PITPNM2: variants seen among roughly 807,000 people sequenced by gnomAD.
PITPNM2 encodes phosphatidylinositol transfer protein membrane associated 2.
In PITPNM2, 35 loss-of-function variants were observed where a neutral mutation model predicts 132.2. The ratio of observed to expected loss-of-function variants is 0.26; its 90% confidence interval spans 0.20 to 0.35. PITPNM2 has a LOEUF of 0.35. PITPNM2 is among the 10% of genes least tolerant of loss of function. The pLI is 1.00. For missense variants in PITPNM2, 1,332 were observed against 1,912.0 expected (o/e 0.70, Z 5.66); for synonymous variants, 738 against 799.2 (o/e 0.92, Z 1.29).
chr12:123,127,130 G>A (rs1251666574), intron 1 of PITPNM2, among the ~76,000 whole-genome samples: 1 of 152,160 alleles, frequency 6.6e-6, no homozygotes, highest in African/African-American at 2.4e-5. Flanking sequence ...TTGAAATAAT[G>A]GACTTCCAGG....
chr12:123,075,475 T>C (rs967128030), intron 2 of PITPNM2: 13 of 152,236 alleles, frequency 8.5e-5, no homozygotes, highest in African/African-American at 3.1e-4. Context: ...TCCTGGGAGC[T>C]TCACTGGCTT....
chr12:123,124,781 G>C (rs1047411273), intron 1 of PITPNM2, among the ~76,000 whole-genome samples: 11 of 151,952 alleles, frequency 7.2e-5, no homozygotes, highest in South Asian at 2.1e-4. Context: ...TCGGTACCAA[G>C]TATAATGCAT....
At chr12:123,090,907 A>G (rs2042243381) in intron 2 of PITPNM2, 1 of 152,208 alleles carries the variant, frequency 6.6e-6, no homozygotes, top group South Asian at 2.1e-4. Context: ...AGGCATTTTC[A>G]TTTTACAGAC....
At chr12:123,068,194 A>ACGGCCAGGCG (rs141138502) in intron 2 of PITPNM2, among the ~76,000 whole-genome samples, 8 of 151,630 alleles carry the variant, frequency 5.3e-5, no homozygotes, top group Non-Finnish European at 7.4e-5. Flanking sequence ...ACGGCCGGGC[A>ACGGCCAGGCG]CGGTGGCTCA....
In PITPNM2 at chr12:123,014,159, G is replaced by C. The variant is rs542372347; in HGVS notation, c.79-117C>G. 8 of 1,077,326 alleles carry C rather than the reference G, an allele frequency of 7.4e-6. No individual in the cohort carries two copies. The African/African-American group carries it at 1.2e-4, about 17-fold the overall frequency. 66.7% of individuals were successfully genotyped at this position (1,077,326 alleles called of 1,614,324 possible). A position where few individuals can be genotyped will look rare whatever the true frequency, so the allele number is the denominator to read the frequency against. On this transcript the variant is annotated intron_variant, in intron 3 of 25. Transcript: ENST00000320201. ...AGGGAGGAGGGGCTTTGGTCAACGA[G>C]GCTGGCTCCTCCTGTGTCACTTCCA...
intron 2 of PITPNM2, among the ~76,000 whole-genome samples, chr12:123,038,491 G>A (rs1219092779): frequency 2.6e-5 from 4 of 152,202 alleles, no homozygotes. Context: ...GACTTCTGGA[G>A]TTACCATGAG....
At chr12:123,052,784 G>GT (rs34269675) in intron 2 of PITPNM2, among the ~76,000 whole-genome samples, 89,707 of 140,886 alleles carry the variant, frequency 0.64, 28,769 homozygotes, top group Non-Finnish European at 0.71. Context: ...TTTTATTTAA[G>GT]TTTTTTTTTT....
intron 2 of PITPNM2, chr12:123,092,867 TGGGA>T: frequency 6.6e-6 from 1 of 152,420 alleles, no homozygotes; most frequent in East Asian, 1.9e-4. Context: ...GGAGCCCCTC[TGGGA>T]AGCTACAGTT....
In PITPNM2 at chr12:122,992,617, C is replaced by G. The variant is rs1470153232; in HGVS notation, c.2286G>C (p.Ala762=). The G allele has an allele frequency of 1.2e-6, 2 of 1,607,022 alleles. No homozygotes were observed. The highest frequency in any genetic ancestry group is 1.7e-5 in the Admixed American group (1 of 59,266). Residue 762 remains alanine, a synonymous_variant, in exon 16 of 26, where the codon GCG becomes GCC. Coordinates refer to ENST00000320201, the MANE Select transcript of PITPNM2 (RefSeq NM_020845.3). This position sits in a 1 kb window ranked among gnomAD's most constrained non-coding sequence, Gnocchi z 6.5. ...GCTCCAGGCGTGAAGCTGACGGGTCCGCGGGGTGGAAGAGGTTGTAGACTT... is the reference window on the plus strand; with the variant it reads ...GCTCCAGGCGTGAAGCTGACGGGTCGGCGGGGTGGAAGAGGTTGTAGACTT... ...CQQVYNLFHP[A]DPSASRLEPL... is the part of the protein sequence containing the mutation.
At chr12:123,053,354 G>A (rs922108288) in intron 2 of PITPNM2, among the ~76,000 whole-genome samples, 27 of 152,054 alleles carry the variant, frequency 1.8e-4, no homozygotes, top group Non-Finnish European at 2.1e-4. Flanking sequence ...TCTTACTGCC[G>A]TTTAGTTCAA....
chr12:123,056,668 C>A (rs2136709099), intron 2 of PITPNM2, among the ~76,000 whole-genome samples: 1 of 152,318 alleles, frequency 6.6e-6, no homozygotes, highest in African/African-American at 2.4e-5. Flanking sequence ...GAAAGTCTCT[C>A]CCTGCACTGG....
In PITPNM2 at chr12:123,034,615, A is replaced by G; in HGVS notation, c.-25T>C. 1 of 1,607,674 alleles carries G rather than the reference A, an allele frequency of 6.2e-7. No individual in the cohort carries two copies. Among genetic ancestry groups the G allele is most frequent in the Non-Finnish European group, 8.5e-7 (1 of 1,174,104 alleles). ...TCTTGGAGTCCAAGCCTTCCCGTCG[A>G]TGGGGAACTGCAAGTTGGGACTTCT... On this transcript the variant is annotated 5_prime_UTR_variant, in exon 3 of 26. Transcript: ENST00000320201.
Position 123,103,449 on chromosome 12 carries a change from G to A in PITPNM2, c.-96+6936C>T, listed in dbSNP as rs547326697. Among the ~76,000 whole-genome samples the A allele has an allele frequency of 6.7e-4, 102 of 152,338 alleles. 1 individual carries two copies. Among genetic ancestry groups the A allele is most frequent in the Admixed American group, 2.2e-3 (34 of 15,296 alleles). Reference sequence around the variant, plus strand: ...TCGTCAAGACTGCAGCCCAGCTAAGGTGAAAATGCTGGTCCAGAGAGAGCT... The same window carrying A: ...TCGTCAAGACTGCAGCCCAGCTAAGATGAAAATGCTGGTCCAGAGAGAGCT... On this transcript the variant is annotated intron_variant, in intron 2 of 25. Coordinates refer to ENST00000320201, the MANE Select transcript of PITPNM2 (RefSeq NM_020845.3).
At chr12:123,042,052 C>G (rs2040499808) in intron 2 of PITPNM2, among the ~76,000 whole-genome samples, 1 of 152,028 alleles carries the variant, frequency 6.6e-6, no homozygotes, top group South Asian at 2.1e-4. Flanking sequence ...GGGCAAGGCG[C>G]GAGGTGCAGG....
At position 123,004,987 on chromosome 12, in the gene PITPNM2, C is replaced by G. The variant is rs554816353; in HGVS notation, c.952+253G>C. Among the ~76,000 whole-genome samples, 23 of 152,290 alleles carry G rather than the reference C, an allele frequency of 1.5e-4. 1 individual carries two copies. The South Asian group carries it at 3.9e-3, about 26-fold the overall frequency. Reference sequence around the variant, plus strand: ...GCCCCTCCACCGCGCTGCAGGAGCCCAGCCACCTCCACTGCTCCTATGGGT... The same window carrying G: ...GCCCCTCCACCGCGCTGCAGGAGCCGAGCCACCTCCACTGCTCCTATGGGT... On this transcript the variant is annotated intron_variant, in intron 7 of 25. Transcript: ENST00000320201. This position sits in a 1 kb window ranked among gnomAD's most constrained non-coding sequence, Gnocchi z 4.9.
At chr12:123,074,869 C>A (rs1282374864) in intron 2 of PITPNM2, among the ~76,000 whole-genome samples, 1 of 152,194 alleles carries the variant, frequency 6.6e-6, no homozygotes, top group African/African-American at 2.4e-5. Context: ...CAGAAGTGGA[C>A]AGGGACAGTT....
chr12:123,026,495 C>T (rs910927708), intron 3 of PITPNM2, among the ~76,000 whole-genome samples: 12 of 152,216 alleles, frequency 7.9e-5, no homozygotes, highest in African/African-American at 2.9e-4. Flanking sequence ...TATGGCAGCG[C>T]CAGGAAATAA....
chr12:123,122,260 C>T (rs568330729), intron 1 of PITPNM2, among the ~76,000 whole-genome samples: 1 of 152,192 alleles, frequency 6.6e-6, no homozygotes, highest in Admixed American at 6.5e-5. Flanking sequence ...GTCGGGAGTT[C>T]GAGACCAGCC....
intron 2 of PITPNM2, among the ~76,000 whole-genome samples, chr12:123,040,944 G>A (rs2040450403): frequency 6.6e-6 from 1 of 152,202 alleles, no homozygotes; most frequent in African/African-American, 2.4e-5. Context: ...CCATCAGATG[G>A]ATGGAATTTG....
Sources: gnomAD v4.1 joint callset for allele counts (sites outside exome capture counted in the v4.1 genomes callset) on GRCh38, gnomAD v4.1.1 for gene constraint, Gnocchi (gnomAD v3.1) non-coding constraint, MANE v1.5 for transcripts, NCBI Gene and HGNC (gene_info 2026-07-23, HGNC 2026-07-21) for gene names.